The following TACR3 variants were observed in gnomAD, a reference collection of about 807,000 sequenced individuals.
TACR3 encodes neuromedin-K receptor.
TACR3 carries 34 observed loss-of-function variants against 35.0 expected under a neutral mutation model. The observed-to-expected ratio is 0.97, with a 90% CI of 0.74 to 1.30. The LOEUF (loss-of-function observed/expected upper bound fraction) is 1.30, where lower values mean the gene tolerates loss of function less well. TACR3 is among the 50% of genes most tolerant of loss of function. The pLI, the probability that TACR3 is intolerant of heterozygous loss-of-function variation, is 0.00. For synonymous variants in TACR3, 233 were observed against 221.1 expected (o/e 1.05, Z -0.48); for missense variants, 558 against 591.7 (o/e 0.94, Z 0.59).
At chr4:103,705,460 G>C (rs950882949) in intron 1 of TACR3, among the ~76,000 whole-genome samples, 2 of 151,962 alleles carry the variant, frequency 1.3e-5, no homozygotes. Context: ...GAATGCAAAG[G>C]GGACTAAGAA....
intron 1 of TACR3, among the ~76,000 whole-genome samples, chr4:103,696,564 C>G (rs1311584920): frequency 6.6e-6 from 1 of 152,086 alleles, no homozygotes; most frequent in Non-Finnish European, 1.5e-5. Context: ...GAATTATCTT[C>G]CAACATTTTA....
chr4:103,635,405 C>T (rs938346471), intron 3 of TACR3, among the ~76,000 whole-genome samples: 1 of 151,906 alleles, frequency 6.6e-6, no homozygotes, highest in Non-Finnish European at 1.5e-5. Flanking sequence ...GGTCTCCATG[C>T]TAAACTGAAC....
intron 3 of TACR3, among the ~76,000 whole-genome samples, chr4:103,598,171 T>A (rs1204250883): frequency 6.6e-6 from 1 of 152,188 alleles, no homozygotes. Flanking sequence ...GGTATCTCAT[T>A]GTGGTTTTGA....
At chr4:103,657,599 A>G (rs1160930832) in intron 2 of TACR3, among the ~76,000 whole-genome samples, 2 of 152,086 alleles carry the variant, frequency 1.3e-5, no homozygotes, top group African/African-American at 4.8e-5. Context: ...AATAAAATTT[A>G]AGATTATAAT....
chr4:103,712,749 A>C (rs867786206), intron 1 of TACR3, among the ~76,000 whole-genome samples: 76 of 152,346 alleles, frequency 5.0e-4, no homozygotes, highest in Middle Eastern at 3.4e-3. Flanking sequence ...AATATCCAGA[A>C]TCTACAAAGA....
chr4:103,593,738 T>C (rs892493178), intron 3 of TACR3, among the ~76,000 whole-genome samples: 1 of 152,140 alleles, frequency 6.6e-6, no homozygotes, highest in African/African-American at 2.4e-5. Context: ...TGCACAATTG[T>C]CATTTTTTCT....
intron 3 of TACR3, among the ~76,000 whole-genome samples, chr4:103,630,720 T>A (rs1394152535): frequency 5.3e-5 from 8 of 152,312 alleles, no homozygotes; most frequent in African/African-American, 1.9e-4. Context: ...GGAATGCTTT[T>A]ACACTGTTGG....
intron 1 of TACR3, among the ~76,000 whole-genome samples, chr4:103,687,625 C>A (rs1347474693): frequency 2.0e-5 from 3 of 152,036 alleles, no homozygotes; most frequent in Admixed American, 2.0e-4. Context: ...AGAGCCAAAT[C>A]ATGAGTGAAC....
intron 3 of TACR3, chr4:103,624,533 A>G (rs1303869521): frequency 6.6e-6 from 1 of 152,154 alleles, no homozygotes; most frequent in East Asian, 1.9e-4. Flanking sequence ...TATGCTGAGT[A>G]AAGTATATAG....
At chr4:103,590,068 T>C in intron 4 of TACR3, 74 bp from the exon 5 acceptor site, 1 of 1,546,098 alleles carries the variant, frequency 6.5e-7, no homozygotes, top group Non-Finnish European at 8.8e-7. Flanking sequence ...CCACAGAAAA[T>C]TCTACCTAAG....
chr4:103,590,577 G>C (rs777468294), intron 4 of TACR3, among the ~76,000 whole-genome samples: 1 of 114,568 alleles, frequency 8.7e-6, no homozygotes, highest in South Asian at 3.3e-4. Flanking sequence ...TTGAGATATG[G>C]CTTATGCAAT....
intron 3 of TACR3, among the ~76,000 whole-genome samples, chr4:103,630,621 C>G (rs982750858): frequency 1.3e-5 from 2 of 152,152 alleles, no homozygotes; most frequent in Admixed American, 1.3e-4. Context: ...CAAATCACAA[C>G]CACAATGAGA....
Position 103,719,606 on chromosome 4 carries a change from G to A in TACR3, c.70C>T (p.Leu24=). 1 of 1,613,692 alleles carries A rather than the reference G, an allele frequency of 6.2e-7. No individual in the cohort carries two copies. The highest frequency in any genetic ancestry group is 8.5e-7 in the Non-Finnish European group (1 of 1,179,802). The change falls in exon 1 of 5, where the codon CTG becomes TTG. Residue 24 remains leucine (L), a synonymous_variant. Transcript: ENST00000304883. ...GCCCCGGCAGCTAGCGAGGCGGTCA[G>A]GTTCACGGCGTCTGCACCCACGCCT... ...GGGVGADAVN[L]TASLAAGAAT... is the part of the protein sequence containing the mutation.
At chr4:103,657,501 G>T (rs1725754865) in intron 2 of TACR3, among the ~76,000 whole-genome samples, 1 of 151,852 alleles carries the variant, frequency 6.6e-6, no homozygotes. Flanking sequence ...TAAAATGACT[G>T]CTTTAAATGG....
intron 1 of TACR3, among the ~76,000 whole-genome samples, chr4:103,680,588 C>T (rs1431708450): frequency 6.7e-6 from 1 of 149,748 alleles, no homozygotes; most frequent in Non-Finnish European, 1.5e-5. Flanking sequence ...TCATTATTGT[C>T]AAGTGAAAAT....
intron 3 of TACR3, among the ~76,000 whole-genome samples, chr4:103,642,754 G>A (rs1242010210): frequency 1.3e-5 from 2 of 151,696 alleles, no homozygotes; most frequent in Non-Finnish European, 1.5e-5. Context: ...TAACAGTAGG[G>A]TGACTAGGAT....
chr4:103,648,996 A>G (rs1725523702), intron 3 of TACR3, among the ~76,000 whole-genome samples: 1 of 152,092 alleles, frequency 6.6e-6, no homozygotes, highest in South Asian at 2.1e-4. Context: ...GGGTAAAATG[A>G]TAACTCATTG....
intron 3 of TACR3, among the ~76,000 whole-genome samples, chr4:103,637,324 C>A (rs1578237429): frequency 6.6e-6 from 1 of 152,202 alleles, no homozygotes; most frequent in African/African-American, 2.4e-5. Flanking sequence ...ATAAACAGAA[C>A]CAACGACAAA....
chr4:103,625,557 G>GAGTT (rs1724869731), intron 3 of TACR3, among the ~76,000 whole-genome samples: 5 of 151,614 alleles, frequency 3.3e-5, no homozygotes, highest in Admixed American at 2.6e-4. Context: ...AAGAATAAAC[G>GAGTT]AGTTAGAATG....
Sources: gnomAD v4.1 joint callset for allele counts (sites outside exome capture counted in the v4.1 genomes callset) on GRCh38, gnomAD v4.1.1 for gene constraint, MANE v1.5 for transcripts, NCBI Gene and HGNC (gene_info 2026-07-23, HGNC 2026-07-21) for gene names.